Variants in MACF1 observed in about 807,000 individuals in gnomAD.
MACF1 encodes the protein microtubule-actin cross-linking factor 1.
Under a neutral mutation model 854.8 loss-of-function variants are expected in MACF1, and 193 were observed. The ratio of observed to expected loss-of-function variants is 0.23; its 90% confidence interval spans 0.20 to 0.25. The LOEUF is 0.25. MACF1 is among the 10% of genes least tolerant of loss of function. The pLI is 1.00. For missense variants in MACF1, 7,722 were observed against 8,929.1 expected (o/e 0.86, Z 5.45); for synonymous variants, 3,185 against 3,226.7 (o/e 0.99, Z 0.44).
At position 39,327,669 on chromosome 1, in the gene MACF1, A is replaced by C. The variant is rs552484112; in HGVS notation, c.4614+316A>C. Among the ~76,000 whole-genome samples the C allele has an allele frequency of 3.3e-5, 5 of 152,346 alleles. No homozygotes were observed. The East Asian group carries it at 9.6e-4, about 29-fold the overall frequency. On this transcript the variant is annotated intron_variant, in intron 36 of 100. Transcript: ENST00000564288. ...TTATATGTGATCACAGGGCAGTAAC[A>C]TACTCCCTTGTGGCATTGTCACTCA...
At chr1:39,209,292 G>A (rs1368504470) in intron 1 of MACF1, among the ~76,000 whole-genome samples, 1 of 152,122 alleles carries the variant, frequency 6.6e-6, no homozygotes, top group Non-Finnish European at 1.5e-5. Context: ...AACTGTAGCA[G>A]GAACCATGCC....
At chr1:39,162,117 C>T (rs1327212056) in intron 2 of MACF1, among the ~76,000 whole-genome samples, 2 of 151,704 alleles carry the variant, frequency 1.3e-5, no homozygotes, top group Non-Finnish European at 2.9e-5. Context: ...TCTTGTACCT[C>T]AGCCTCCTGA....
intron 58 of MACF1, among the ~76,000 whole-genome samples, chr1:39,400,625 G>A (rs59897082): frequency 0.024 from 3,609 of 152,054 alleles, 111 homozygotes; most frequent in East Asian, 0.16. Context: ...TCCTGCCTCA[G>A]CCCCTACAAG....
At chr1:39,237,621 G>T (rs192667093) in intron 2 of MACF1, among the ~76,000 whole-genome samples, 1 of 152,184 alleles carries the variant, frequency 6.6e-6, no homozygotes, top group East Asian at 1.9e-4. Context: ...TTGCCAAAAC[G>T]ATACAGCTAG....
At position 39,161,848 on chromosome 1, in the gene MACF1, CAG is replaced by C. The variant is rs1468153337; in HGVS notation, c.221-69331_221-69330del. On this transcript the variant is annotated intron_variant, in intron 2 of 93. Transcript: ENST00000361689. ...TGCCACTGCACTCCAGCTTGGGCGA[CAG>C]AGCGAGACTCTGTCTCAAATTAATT... Among the ~76,000 whole-genome samples, 12 of 150,018 alleles carry C rather than the reference CAG, an allele frequency of 8.0e-5. No homozygotes were observed. The East Asian group carries it at 2.0e-3, about 25-fold the overall frequency.
intron 97 of MACF1, among the ~76,000 whole-genome samples, chr1:39,472,316 A>C (rs1570204522): frequency 6.6e-6 from 1 of 152,178 alleles, no homozygotes; most frequent in Non-Finnish European, 1.5e-5. Context: ...TTGCTTAATC[A>C]GAATTTGGTG....
intron 6 of MACF1, among the ~76,000 whole-genome samples, chr1:39,276,022 C>T (rs547303221): frequency 2.0e-5 from 3 of 151,858 alleles, no homozygotes; most frequent in East Asian, 1.9e-4. Flanking sequence ...TGGGCTTAAA[C>T]GATCCTCGTG....
chr1:39,173,646 GAC>G (rs1643983556), intron 2 of MACF1, among the ~76,000 whole-genome samples: 1 of 152,200 alleles, frequency 6.6e-6, no homozygotes, highest in Non-Finnish European at 1.5e-5. Context: ...CAGGAGTAGA[GAC>G]TCTGTTATTT....
At chr1:39,481,072 G>T in intron 99 of MACF1, 42 bp downstream of exon 99, 3 of 1,263,444 alleles carry the variant, frequency 2.4e-6, no homozygotes, top group Non-Finnish European at 3.4e-6. Context: ...GTCAAGACGA[G>T]GCCCTCGCTA....
intron 2 of MACF1, among the ~76,000 whole-genome samples, chr1:39,118,069 C>G (rs532150313): frequency 6.6e-6 from 1 of 152,388 alleles, no homozygotes; most frequent in Non-Finnish European, 1.5e-5. Context: ...CTAACAGGAC[C>G]TTTGCTCTCT....
intron 2 of MACF1, among the ~76,000 whole-genome samples, chr1:39,100,204 C>G (rs1642033785): frequency 1.3e-5 from 2 of 152,098 alleles, no homozygotes. Context: ...GCACTCCAGC[C>G]TGGGTGATAG....
intron 22 of MACF1, among the ~76,000 whole-genome samples, chr1:39,301,125 A>T (rs1202133813): frequency 3.3e-5 from 5 of 151,900 alleles, no homozygotes; most frequent in Admixed American, 2.0e-4. Flanking sequence ...TTTTAATTTT[A>T]TTTATTTATT....
At position 39,307,901 on chromosome 1, in the gene MACF1, C is replaced by CTTTTTTTTTTTTTTTTTTTT. The variant is rs34930273; in HGVS notation, c.2790-1667_2790-1648dup. Among the ~76,000 whole-genome samples the CTTTTTTTTTTTTTTTTTTTT allele has an allele frequency of 3.0e-4, 15 of 50,406 alleles. 1 individual carries two copies. The East Asian group carries it at 4.8e-3, about 16-fold the overall frequency. The allele number at this position is 50,406 out of a possible 152,430, so 33.1% of individuals were successfully genotyped here. A position where few individuals can be genotyped will look rare whatever the true frequency, so the allele number is the denominator to read the frequency against. On this transcript the variant is annotated intron_variant, in intron 23 of 100. Coordinates refer to ENST00000564288, the MANE Select transcript of MACF1 (RefSeq NM_001394062.1). ...TTATTTCTCTTTTCTTTCTTTCTTTCTTTTTTTTTTTTTTTTTTTTTGAGA... is the reference window on the plus strand; with the variant it reads ...TTATTTCTCTTTTCTTTCTTTCTTTCTTTTTTTTTTTTTTTTTTTTTTTTTTTTTTTTTTTTTTTTTGAGA...
chr1:39,140,650 C>G (rs1260754583), intron 2 of MACF1, among the ~76,000 whole-genome samples: 2 of 152,292 alleles, frequency 1.3e-5, no homozygotes, highest in Non-Finnish European at 2.9e-5. Context: ...GGCACGGTGG[C>G]TCACGCCTGT....
In MACF1 at chr1:39,379,265, G is replaced by C. The variant is rs1303480974; in HGVS notation, c.13339G>C (p.Val4447Leu). The C allele has an allele frequency of 6.2e-7, 1 of 1,613,012 alleles. No homozygotes were observed. Among genetic ancestry groups the C allele is most frequent in the Non-Finnish European group, 8.5e-7 (1 of 1,179,596 alleles). ...VNLKYEKLGG[V>L]LHERQESLQA... is the part of the protein sequence containing the mutation. ...CTTGAAGTATGAGAAACTAGGGGGA[G>C]TACTTCATGAACGCCAGGAAAGCCT... Residue 4447 changes from valine to leucine, a missense_variant, in exon 54 of 101, where the codon GTA becomes CTA. Around this residue, in one of 15 missense-constraint regions of MACF1, gnomAD observed 2,807 missense variants for 3,235.8 expected, o/e 0.87. Coordinates refer to ENST00000564288, the MANE Select transcript of MACF1 (RefSeq NM_001394062.1).
intron 2 of MACF1, among the ~76,000 whole-genome samples, chr1:39,237,834 CATT>C (rs1287177084): frequency 6.6e-6 from 1 of 151,802 alleles, no homozygotes; most frequent in Admixed American, 6.6e-5. Context: ...GTTTTTTCCC[CATT>C]ATTTCTTACG....
Position 39,485,575 on chromosome 1 carries a change from T to C in MACF1, c.22449T>C (p.Ala7483=), listed in dbSNP as rs777745737. ...CTGCCAGTCGCCCTGGGAGTCGGGC[T>C]GGGAGTCGAGCCGGGAGTCGAGCCA... The part of the protein sequence containing the change: ...KKSASRPGSR[A]GSRAGSRASS... The change falls in exon 101 of 101, where the codon GCT becomes GCC. Residue 7483 remains alanine (A), a synonymous_variant. Transcript: ENST00000564288. 1.8e-5 allele frequency: 29 copies of C among 1,613,964 alleles called. No homozygotes were observed. The highest frequency in any genetic ancestry group is 2.4e-5 in the Non-Finnish European group (28 of 1,179,932).
At chr1:39,431,015 G>A (rs879802377) in intron 66 of MACF1, 107 bp downstream of exon 66, 11 of 983,258 alleles carry the variant, frequency 1.1e-5, no homozygotes, top group Non-Finnish European at 1.6e-5. Flanking sequence ...ATGGGCTCAA[G>A]CTAAATCTGG....
intron 58 of MACF1, 24 bp from the exon 59 acceptor site, chr1:39,422,345 TAAATC>T: frequency 6.2e-7 from 1 of 1,606,096 alleles, no homozygotes. Flanking sequence ...GCCTTTGTAT[TAAATC>T]TTCTTTGGCT....
Sources: gnomAD v4.1 joint callset for allele counts (sites outside exome capture counted in the v4.1 genomes callset) on GRCh38, gnomAD v4.1.1 for gene constraint, gnomAD v4.1.1 regional missense constraint, MANE v1.5 for transcripts, NCBI Gene and HGNC (gene_info 2026-07-23, HGNC 2026-07-21) for gene names.